Variants in PDE4DIP observed in about 807,000 individuals in gnomAD.
PDE4DIP encodes myomegalin.
Under a neutral mutation model 221.4 loss-of-function variants are expected in PDE4DIP, and 59 were observed. The observed-to-expected ratio is 0.27, with a 90% CI of 0.22 to 0.33. The LOEUF is 0.33. PDE4DIP is among the 10% of genes least tolerant of loss of function. The pLI is 1.00. For synonymous variants in PDE4DIP, 404 were observed against 815.9 expected (o/e 0.50, Z 8.60); for missense variants, 1,036 against 2,154.2 (o/e 0.48, Z 10.28).
At chr1:148,936,703 A>C (rs377296094) in intron 4 of PDE4DIP, among the ~76,000 whole-genome samples, 517 of 152,356 alleles carry the variant, frequency 3.4e-3, no homozygotes, top group African/African-American at 0.012. Context: ...TTCTGTTTTT[A>C]AATTTTTAAT....
intron 9 of PDE4DIP, among the ~76,000 whole-genome samples, chr1:148,963,951 G>C (rs1429320769): frequency 6.7e-6 from 1 of 150,260 alleles, no homozygotes; most frequent in Non-Finnish European, 1.5e-5. Context: ...GTAGAGACAG[G>C]GTTTCATCGT....
At chr1:148,819,916 CTTTTTTTTTTTTTTTT>C (rs10699564) in intron 1 of PDE4DIP, among the ~76,000 whole-genome samples, 1 of 34,792 alleles carries the variant, frequency 2.9e-5, no homozygotes, top group Non-Finnish European at 4.6e-5. Flanking sequence ...CTGTTTATAT[CTTTTTTTTTTTTTTTT>C]TTTTTTTTTT....
chr1:148,902,777 ACAC>A (rs2040947247), intron 1 of PDE4DIP, among the ~76,000 whole-genome samples: 1 of 108,328 alleles, frequency 9.2e-6, no homozygotes, highest in African/African-American at 4.4e-5. Context: ...GTGTATATAC[ACAC>A]CACAGTTTCT....
chr1:149,032,936 G>A, exon 44 of PDE4DIP: 1 of 199,646 alleles, frequency 5.0e-6, no homozygotes. Flanking sequence ...CTGGTGGACA[G>A]GGTGGGTGAC....
At chr1:148,906,796 GC>G (rs1160638207) in intron 1 of PDE4DIP, among the ~76,000 whole-genome samples, 2 of 128,694 alleles carry the variant, frequency 1.6e-5, no homozygotes, top group African/African-American at 6.3e-5. Flanking sequence ...CTACTGCTGG[GC>G]CAGGCACGGT....
chr1:148,990,554 A>G (rs868917925), intron 21 of PDE4DIP, among the ~76,000 whole-genome samples: 1 of 151,818 alleles, frequency 6.6e-6, no homozygotes, highest in African/African-American at 2.4e-5. Context: ...CTTCTGTCTA[A>G]GAGTCCAGAG....
At chr1:148,935,503 C>T (rs587650287) in intron 4 of PDE4DIP, among the ~76,000 whole-genome samples, 1 of 46,206 alleles carries the variant, frequency 2.2e-5, no homozygotes, top group South Asian at 7.6e-4. Flanking sequence ...GCCTTTGTTC[C>T]TTTGTTCAAT....
chr1:148,975,798 C>T (rs1181627557), intron 17 of PDE4DIP, among the ~76,000 whole-genome samples: 1 of 152,102 alleles, frequency 6.6e-6, no homozygotes, highest in Non-Finnish European at 1.5e-5. Flanking sequence ...GTCATGGCTT[C>T]CTAAATTCAG....
intron 9 of PDE4DIP, among the ~76,000 whole-genome samples, chr1:148,963,829 C>T (rs2057560394): frequency 7.7e-6 from 1 of 129,346 alleles, no homozygotes; most frequent in African/African-American, 3.0e-5. Flanking sequence ...TCTCGGCTCG[C>T]TGCAAGCTCC....
chr1:149,030,007 G>A, intron 42 of PDE4DIP, 82 bp downstream of exon 45: 1 of 590,792 alleles, frequency 1.7e-6, no homozygotes, highest in Non-Finnish European at 2.9e-6. Context: ...GCAGTGACCA[G>A]GGGGGCTTGG....
rs1055487 is a variant in PDE4DIP, at chr1:149,032,869, A to G, written c.*884A>G. The G allele has an allele frequency of 9.7e-3, 2,025 of 207,956 alleles. 38 individuals carry two copies. The highest frequency in any genetic ancestry group is 0.034 in the African/African-American group (1,477 of 43,896). The allele number at this position is 207,956 out of a possible 1,614,324, so 12.9% of individuals were successfully genotyped here. On this transcript the variant is annotated 3_prime_UTR_variant, in exon 44 of 44. Coordinates refer to ENST00000369354, the Ensembl canonical transcript of PDE4DIP. The stretch of plus-strand genomic sequence containing the variant: ...CTGGTAGAATGTGTTTGTGTGTATA[A>G]ATATATGATATAGATTTATATATGT...
intron 21 of PDE4DIP, 67 bp downstream of exon 24, chr1:148,981,464 C>T: frequency 6.2e-7 from 1 of 1,601,896 alleles, no homozygotes; most frequent in South Asian, 1.1e-5. Context: ...GGTCAGACTG[C>T]AGCCCAGGAT....
chr1:149,016,260 C>T (rs1423605482), intron 32 of PDE4DIP, 39 bp from the exon 36 acceptor site: 1 of 1,606,496 alleles, frequency 6.2e-7, no homozygotes, highest in African/African-American at 1.3e-5. Context: ...TCCCTTCTGA[C>T]ACCCCATTTG....
In PDE4DIP at chr1:149,028,720, C is replaced by T. The variant is rs1553632913; in HGVS notation, c.6813+17C>T. 1 of 1,501,058 alleles carries T rather than the reference C, an allele frequency of 6.7e-7. No homozygotes were observed. Among genetic ancestry groups the T allele is most frequent in the Non-Finnish European group, 9.2e-7 (1 of 1,089,412 alleles). The allele number at this position is 1,501,058 out of a possible 1,614,324, so 93.0% of individuals were successfully genotyped here. Reference sequence around the variant, plus strand: ...GGCAAAGTGGTAAGATGCCAGTGCCCTTTCTTGGTTCAAACCCAGTTCTCC... The same window carrying T: ...GGCAAAGTGGTAAGATGCCAGTGCCTTTTCTTGGTTCAAACCCAGTTCTCC... On this transcript the variant is annotated intron_variant, in intron 41 of 43. Coordinates refer to ENST00000369354, the Ensembl canonical transcript of PDE4DIP.
intron 17 of PDE4DIP, among the ~76,000 whole-genome samples, chr1:148,976,979 TA>T (rs1289620099): frequency 2.6e-5 from 3 of 116,916 alleles, no homozygotes; most frequent in Non-Finnish European, 5.3e-5. Context: ...CTAGGTTTGT[TA>T]AAAGGATTAA....
intron 5 of PDE4DIP, among the ~76,000 whole-genome samples, chr1:148,960,225 TG>T (rs1308995608): frequency 6.6e-6 from 1 of 152,284 alleles, no homozygotes; most frequent in African/African-American, 2.4e-5. Context: ...GAAACAAGCA[TG>T]TTGTAAGAAA....
At chr1:148,975,291 G>C (rs377608158) in intron 17 of PDE4DIP, among the ~76,000 whole-genome samples, 1 of 146,830 alleles carries the variant, frequency 6.8e-6, no homozygotes, top group Non-Finnish European at 1.5e-5. Context: ...AACATGAAAC[G>C]AGAAATTTGA....
chr1:149,028,591 G>A (rs748397848), exon 41 of PDE4DIP: 23 of 1,610,630 alleles, frequency 1.4e-5, no homozygotes, highest in East Asian at 6.7e-5. Context: ...CATGAGCTTC[G>A]GAGCAGCACC....
chr1:148,924,118 G>A (rs1293319516), intron 1 of PDE4DIP, among the ~76,000 whole-genome samples: 4 of 152,180 alleles, frequency 2.6e-5, no homozygotes, highest in Non-Finnish European at 5.9e-5. Flanking sequence ...GAAATATGAA[G>A]CATTTACACG....
Sources: allele counts gnomAD v4.1 joint callset (sites outside exome capture counted in the v4.1 genomes callset), GRCh38; gene constraint gnomAD v4.1.1; transcripts MANE v1.5; gene names NCBI Gene and HGNC (gene_info 2026-07-23, HGNC 2026-07-21).